ESRRG: variants seen among roughly 807,000 people sequenced by gnomAD.
ESRRG encodes estrogen related receptor gamma.
Under a neutral mutation model 44.0 loss-of-function variants are expected in ESRRG, and 13 were observed. That is an observed-to-expected ratio of 0.30 (90% CI 0.19 to 0.47). ESRRG has a LOEUF of 0.47. Among genes scored for constraint, ESRRG ranks in the 20% least tolerant of loss-of-function variants. The pLI is 1.00. For synonymous variants in ESRRG, 215 were observed against 214.6 expected (o/e 1.00, Z -0.02); for missense variants, 395 against 580.6 (o/e 0.68, Z 3.29).
At chr1:216,776,055 C>T (rs941305577) in intron 2 of ESRRG, among the ~76,000 whole-genome samples, 1 of 151,950 alleles carries the variant, frequency 6.6e-6, no homozygotes, top group African/African-American at 2.4e-5. Flanking sequence ...ATGGAGAGCT[C>T]TTCTTATCAC....
intron 2 of ESRRG, among the ~76,000 whole-genome samples, chr1:216,835,436 T>C (rs1249621970): frequency 6.6e-6 from 1 of 152,194 alleles, no homozygotes; most frequent in Non-Finnish European, 1.5e-5. Flanking sequence ...AGTGTATGAG[T>C]GGTTGACACT....
chr1:216,906,771 G>A (rs1341282021), intron 2 of ESRRG, among the ~76,000 whole-genome samples: 1 of 152,168 alleles, frequency 6.6e-6, no homozygotes, highest in Admixed American at 6.5e-5. Flanking sequence ...ACATCCAAAT[G>A]ACTAGTATAG....
chr1:216,744,979 G>T (rs1486586972), intron 2 of ESRRG, among the ~76,000 whole-genome samples: 1 of 152,174 alleles, frequency 6.6e-6, no homozygotes. Context: ...GTAGAAAACA[G>T]AGTCTAAAGT....
rs1000474830 is a variant in ESRRG at position 216,763,333 on chromosome 1, C to T, written c.-13-85842G>A. Among the ~76,000 whole-genome samples, 2 of 152,194 alleles carry T rather than the reference C, an allele frequency of 1.3e-5. 1 individual carries two copies. Among genetic ancestry groups the T allele is most frequent in the Middle Eastern group, 6.8e-3 (2 of 294 alleles). On this transcript the variant is annotated intron_variant, in intron 2 of 7. Coordinates refer to the ESRRG transcript ENST00000359162. Reference sequence around the variant, plus strand: ...AATAAATCACTAAGAAAAACAGAAACTTTATTATTTAGAAAAAACAAAAAA... The same window carrying T: ...AATAAATCACTAAGAAAAACAGAAATTTTATTATTTAGAAAAAACAAAAAA...
At chr1:216,933,820 G>A (rs1449168791) in intron 2 of ESRRG, among the ~76,000 whole-genome samples, 2 of 152,020 alleles carry the variant, frequency 1.3e-5, no homozygotes, top group Non-Finnish European at 2.9e-5. Flanking sequence ...TGCTTCAAGA[G>A]CTCTGCACTT....
chr1:216,797,467 T>A (rs2094501464), intron 2 of ESRRG, among the ~76,000 whole-genome samples: 2 of 152,158 alleles, frequency 1.3e-5, no homozygotes, highest in Non-Finnish European at 2.9e-5. Context: ...CGATAGCTAC[T>A]TCACAGTATA....
At position 216,506,770 on chromosome 1, in the gene ESRRG, G is replaced by C. The variant is rs2041305074; in HGVS notation, c.*169C>G. On this transcript the variant is annotated 3_prime_UTR_variant, in exon 7 of 7. Coordinates refer to ENST00000408911, the MANE Select transcript of ESRRG (RefSeq NM_001438.4). ...GAGAAAGTAGAAAGAAACTCATCAG[G>C]AACCTATGGAGGAATCTGAAAGCTG... 3 of 686,582 alleles carry C rather than the reference G, an allele frequency of 4.4e-6. No homozygotes were observed. The East Asian group carries it at 8.1e-5, about 19-fold the overall frequency. 42.5% of individuals were successfully genotyped at this position (686,582 alleles called of 1,614,324 possible).
chr1:216,599,781 C>T (rs910297231), intron 3 of ESRRG, among the ~76,000 whole-genome samples: 8 of 151,534 alleles, frequency 5.3e-5, no homozygotes, highest in African/African-American at 1.7e-4. Flanking sequence ...CTGGCTCGGG[C>T]CTGCTGCTTA....
At chr1:216,605,014 A>G (rs1489693301) in intron 3 of ESRRG, among the ~76,000 whole-genome samples, 4 of 152,180 alleles carry the variant, frequency 2.6e-5, no homozygotes, top group African/African-American at 9.7e-5. Context: ...AGATGCTTAT[A>G]TGAGTGGGAG....
At chr1:216,797,542 C>T (rs1006485633) in intron 2 of ESRRG, among the ~76,000 whole-genome samples, 8 of 152,000 alleles carry the variant, frequency 5.3e-5, no homozygotes, top group African/African-American at 1.5e-4. Flanking sequence ...ACACAGGTTA[C>T]GTAAAGGGGG....
chr1:217,115,740 G>A (rs1239594155), intron 1 of ESRRG, among the ~76,000 whole-genome samples: 9 of 152,086 alleles, frequency 5.9e-5, no homozygotes, highest in East Asian at 1.9e-4. Flanking sequence ...TTCCCTTCCT[G>A]TTTCTTTTCT....
chr1:216,896,929 C>T (rs973780354), intron 2 of ESRRG, among the ~76,000 whole-genome samples: 5 of 152,156 alleles, frequency 3.3e-5, no homozygotes, highest in African/African-American at 4.8e-5. Flanking sequence ...GTGCAGTGAA[C>T]ATTACACAGG....
At chr1:217,039,789 T>C (rs1215573640) in intron 1 of ESRRG, among the ~76,000 whole-genome samples, 1 of 152,244 alleles carries the variant, frequency 6.6e-6, no homozygotes, top group African/African-American at 2.4e-5. Context: ...TGTTTTCAAA[T>C]TGTTTGTATC....
At chr1:216,698,471 A>G in intron 1 of ESRRG, among the ~76,000 whole-genome samples, 1 of 146,938 alleles carries the variant, frequency 6.8e-6, no homozygotes, top group South Asian at 2.2e-4. Context: ...GTGAGCCGAG[A>G]TCACGCCACT....
chr1:216,796,987 G>C (rs1183821103), intron 2 of ESRRG, among the ~76,000 whole-genome samples: 1 of 152,086 alleles, frequency 6.6e-6, no homozygotes, highest in African/African-American at 2.4e-5. Flanking sequence ...TGCCTCCCAG[G>C]TTCAAGCGAT....
At chr1:216,878,490 TG>T (rs1264342090) in intron 2 of ESRRG, among the ~76,000 whole-genome samples, 2 of 152,224 alleles carry the variant, frequency 1.3e-5, no homozygotes, top group African/African-American at 4.8e-5. Flanking sequence ...TTGTAGATCA[TG>T]AAGATATTCT....
intron 2 of ESRRG, among the ~76,000 whole-genome samples, chr1:216,846,979 C>T (rs931273383): frequency 2.6e-5 from 4 of 152,062 alleles, no homozygotes; most frequent in Non-Finnish European, 5.9e-5. Flanking sequence ...AAGACAATTT[C>T]TTGAATTCTC....
chr1:216,682,308 G>A (rs1221597326), intron 1 of ESRRG, among the ~76,000 whole-genome samples: 4 of 152,120 alleles, frequency 2.6e-5, no homozygotes, highest in Non-Finnish European at 5.9e-5. Flanking sequence ...AATAGTAAAC[G>A]CTTTGGTAGG....
At chr1:216,528,116 A>G (rs1020201152) in intron 5 of ESRRG, among the ~76,000 whole-genome samples, 1 of 152,214 alleles carries the variant, frequency 6.6e-6, no homozygotes, top group African/African-American at 2.4e-5. Context: ...TGAAAAGACC[A>G]TTGCAGGAAC....
Sources: allele counts gnomAD v4.1 joint callset (sites outside exome capture counted in the v4.1 genomes callset), GRCh38; gene constraint gnomAD v4.1.1; transcripts MANE v1.5; gene names NCBI Gene and HGNC (gene_info 2026-07-23, HGNC 2026-07-21).